Variants in DCLK1 observed in about 807,000 individuals in gnomAD.
The protein encoded by DCLK1 is serine/threonine-protein kinase DCLK1.
In DCLK1, 16 loss-of-function variants were observed where a neutral mutation model predicts 86.2. That is an observed-to-expected ratio of 0.19 (90% CI 0.13 to 0.28). The LOEUF (loss-of-function observed/expected upper bound fraction) is 0.28. Among genes scored for constraint, DCLK1 ranks in the 10% least tolerant of loss-of-function variants. The probability of loss-of-function intolerance (pLI) is 1.00; values close to 1 mark genes in which losing one functional copy is unlikely to be tolerated. For missense variants in DCLK1, 590 were observed against 940.2 expected (o/e 0.63, Z 4.87); for synonymous variants, 369 against 370.5 (o/e 1.00, Z 0.05).
chr13:35,876,512 A>C (rs936446420), intron 4 of DCLK1, among the ~76,000 whole-genome samples: 7 of 152,238 alleles, frequency 4.6e-5, no homozygotes, highest in African/African-American at 1.7e-4. Flanking sequence ...TGTTTTAATT[A>C]ATTTAAATAG....
intron 3 of DCLK1, among the ~76,000 whole-genome samples, chr13:35,958,530 A>C (rs1878275561): frequency 6.6e-6 from 1 of 150,962 alleles, no homozygotes; most frequent in Non-Finnish European, 1.5e-5. Flanking sequence ...ACAGCAGTAT[A>C]ACTACCAATA....
At chr13:36,115,670 T>C (rs1360862571) in intron 2 of DCLK1, among the ~76,000 whole-genome samples, 2 of 152,040 alleles carry the variant, frequency 1.3e-5, no homozygotes, top group Non-Finnish European at 2.9e-5. Flanking sequence ...TGAATTTTGT[T>C]GTGGCATTTA....
intron 4 of DCLK1, among the ~76,000 whole-genome samples, chr13:35,916,770 C>T (rs1875439212): frequency 1.3e-5 from 2 of 152,090 alleles, no homozygotes; most frequent in African/African-American, 4.8e-5. Flanking sequence ...TTAAAAAATG[C>T]TCATGGGATT....
chr13:36,000,693 T>G (rs1048392131), intron 3 of DCLK1, among the ~76,000 whole-genome samples: 10 of 152,142 alleles, frequency 6.6e-5, no homozygotes, highest in African/African-American at 2.4e-4. Context: ...CCATCAAGAA[T>G]AATCACAACC....
At chr13:35,872,759 C>G (rs116628794) in intron 4 of DCLK1, among the ~76,000 whole-genome samples, 1,724 of 149,986 alleles carry the variant, frequency 0.011, 27 homozygotes, top group African/African-American at 0.04. Context: ...ATTGTTCTTT[C>G]CCCTTCAATA....
At chr13:36,122,592 C>A (rs1024066241) in intron 2 of DCLK1, among the ~76,000 whole-genome samples, 1 of 152,096 alleles carries the variant, frequency 6.6e-6, no homozygotes, top group Non-Finnish European at 1.5e-5. Flanking sequence ...CAACATTTAC[C>A]TACCTACAGT....
chr13:35,884,851 T>G lies in DCLK1; in HGVS notation c.824-13511A>C, dbSNP rs1472503829. 2.0e-5 allele frequency among the ~76,000 whole-genome samples: 3 copies of G among 152,182 alleles called. No individual in the cohort carries two copies. The East Asian group carries it at 5.8e-4, about 29-fold the overall frequency. ...CAGAAGGTAAGGGTACTGTTTTGGA[T>G]GATGATTCGTCATAGTTTAGATTAT... On this transcript the variant is annotated intron_variant, in intron 4 of 16. Coordinates refer to ENST00000360631, the MANE Select transcript of DCLK1 (RefSeq NM_001330071.2).
At chr13:35,888,219 C>T (rs1160156187) in intron 4 of DCLK1, among the ~76,000 whole-genome samples, 1 of 152,162 alleles carries the variant, frequency 6.6e-6, no homozygotes, top group Admixed American at 6.5e-5. Context: ...TTCCCACCAA[C>T]TGTCTAATAA....
chr13:35,952,328 T>A (rs1409765373), intron 3 of DCLK1, among the ~76,000 whole-genome samples: 1 of 152,200 alleles, frequency 6.6e-6, no homozygotes, highest in Non-Finnish European at 1.5e-5. Flanking sequence ...ATCAGTATCA[T>A]TACTTTGATG....
At chr13:35,902,172 A>G (rs139786288) in intron 4 of DCLK1, among the ~76,000 whole-genome samples, 2 of 152,344 alleles carry the variant, frequency 1.3e-5, no homozygotes, top group African/African-American at 4.8e-5. Flanking sequence ...TAAGGAAACT[A>G]AAGCCGAGTA....
At chr13:36,118,604 T>G (rs898873779) in intron 2 of DCLK1, among the ~76,000 whole-genome samples, 5 of 151,762 alleles carry the variant, frequency 3.3e-5, no homozygotes, top group African/African-American at 1.2e-4. Context: ...CAAGCAGAAA[T>G]AGGAATGGAG....
intron 16 of DCLK1, chr13:35,788,237 G>A: frequency 6.2e-7 from 1 of 1,613,930 alleles, no homozygotes; most frequent in Non-Finnish European, 8.5e-7. Flanking sequence ...CCTGGTTGCT[G>A]GTAGTAGTCC....
rs1881496867 is a variant in DCLK1, at chr13:36,015,280, TC to T, written c.724-67824del. Among the ~76,000 whole-genome samples, 5 of 152,246 alleles carry T rather than the reference TC, an allele frequency of 3.3e-5. No individual in the cohort carries two copies. In the South Asian group the frequency reaches 1.0e-3, roughly 32 times the overall value. Reference sequence around the variant, plus strand: ...CCTGTTTAGCTTGAGGGTTAGTGACTCCCCATGTGGGATCCTTCCTTATTGA... The same window carrying T: ...CCTGTTTAGCTTGAGGGTTAGTGACTCCCATGTGGGATCCTTCCTTATTGA... On this transcript the variant is annotated intron_variant, in intron 3 of 16. Transcript: ENST00000360631.
At position 35,867,889 on chromosome 13, in the gene DCLK1, GAGAA is replaced by G. The variant is rs1333130525; in HGVS notation, c.940+3331_940+3334del. Among the ~76,000 whole-genome samples the G allele has an allele frequency of 1.9e-4, 14 of 75,356 alleles. 1 individual carries two copies. Among genetic ancestry groups the G allele is most frequent in the Non-Finnish European group, 2.6e-4 (10 of 38,250 alleles). The allele number at this position is 75,356 out of a possible 152,430, so 49.4% of individuals were successfully genotyped here. A position where few individuals can be genotyped will look rare whatever the true frequency, so the allele number is the denominator to read the frequency against. ...AAAGAAAGAGAGAGGGAGAGAGAGA[GAGAA>G]AGAGAGAAAGAAAGAAAAAGAAAGA... On this transcript the variant is annotated intron_variant, in intron 5 of 16. Coordinates refer to ENST00000360631, the MANE Select transcript of DCLK1 (RefSeq NM_001330071.2).
At chr13:36,020,569 C>T (rs1364139131) in intron 3 of DCLK1, among the ~76,000 whole-genome samples, 5 of 151,108 alleles carry the variant, frequency 3.3e-5, no homozygotes, top group Middle Eastern at 3.4e-3. Flanking sequence ...GTCTGAAGAA[C>T]GAAAAAAGAA....
intron 8 of DCLK1, among the ~76,000 whole-genome samples, chr13:35,830,740 A>T (rs185189500): frequency 6.6e-6 from 1 of 152,326 alleles, no homozygotes; most frequent in Non-Finnish European, 1.5e-5. Context: ...AATCCCAGGC[A>T]AGGCCAGAGA....
intron 3 of DCLK1, among the ~76,000 whole-genome samples, chr13:35,997,087 G>A (rs1173159978): frequency 6.6e-6 from 1 of 152,150 alleles, no homozygotes; most frequent in African/African-American, 2.4e-5. Flanking sequence ...AAGCCAATTA[G>A]TTTCCAGAAT....
At chr13:35,861,356 A>G (rs188093362) in intron 5 of DCLK1, among the ~76,000 whole-genome samples, 40 of 152,310 alleles carry the variant, frequency 2.6e-4, no homozygotes, top group African/African-American at 8.7e-4. Flanking sequence ...TATGGTCATG[A>G]TAGGGGAATT....
At chr13:35,790,966 G>A (rs551233636) in intron 16 of DCLK1, among the ~76,000 whole-genome samples, 33 of 152,230 alleles carry the variant, frequency 2.2e-4, no homozygotes, top group African/African-American at 7.5e-4. Flanking sequence ...CAATGAAGGT[G>A]GCCAAAATAG....
Sources: allele counts gnomAD v4.1 joint callset (sites outside exome capture counted in the v4.1 genomes callset), GRCh38; gene constraint gnomAD v4.1.1; transcripts MANE v1.5; gene names NCBI Gene and HGNC (gene_info 2026-07-23, HGNC 2026-07-21).